Variants in TSPAN7 observed in about 807,000 individuals in gnomAD.
TSPAN7 encodes tetraspanin-7.
TSPAN7 carries 1 observed loss-of-function variant against 17.6 expected under a neutral mutation model. That is an observed-to-expected ratio of 0.06 (90% CI 0.02 to 0.27). TSPAN7 has a LOEUF of 0.27. Among genes scored for constraint, TSPAN7 ranks in the 10% least tolerant of loss-of-function variants. TSPAN7 has a pLI of 1.00. For missense variants in TSPAN7, 112 were observed against 201.7 expected, an observed-to-expected ratio of 0.56 and a Z score of 2.69; for synonymous variants, 78 against 79.0, an observed-to-expected ratio of 0.99 and a Z score of 0.07.
intron 6 of TSPAN7, among the ~76,000 whole-genome samples, chrX:38,685,619 C>T (rs984495958): frequency 9.0e-6 from 1 of 111,625 alleles, no homozygotes; most frequent in East Asian, 2.8e-4. Context: ...GTCATCACTC[C>T]GTATCTGCAG....
intron 1 of TSPAN7, among the ~76,000 whole-genome samples, chrX:38,659,001 T>TACACACACAC (rs71903430): frequency 6.2e-5 from 6 of 96,160 alleles, no homozygotes; most frequent in African/African-American, 2.4e-4. Context: ...TTATCTTCCA[T>TACACACACAC]ACACACACAC....
At chrX:38,562,457 T>C (rs1249875451) in intron 1 of TSPAN7, among the ~76,000 whole-genome samples, 1 of 109,032 alleles carries the variant, frequency 9.2e-6, no homozygotes, top group African/African-American at 3.3e-5. Flanking sequence ...CCGCCGGTCC[T>C]TGAAGCTCAA....
intron 1 of TSPAN7, among the ~76,000 whole-genome samples, chrX:38,601,927 A>C (rs1375253784): frequency 9.0e-6 from 1 of 111,421 alleles, no homozygotes; most frequent in East Asian, 2.8e-4. Context: ...ATGAGTTCTC[A>C]GGAATAATGA....
chrX:38,609,043 G>A lies in TSPAN7; in HGVS notation c.81+47416G>A, dbSNP rs192111198. On this transcript the variant is annotated intron_variant, in intron 1 of 7. Coordinates refer to ENST00000378482, the MANE Select transcript of TSPAN7 (RefSeq NM_004615.4). ...TCCATTACTTCCTAAGGATAAATCC[G>A]TGTTAGAGGATAAACACTGTAAATG... is the stretch of plus-strand genomic sequence containing the variant. Among the ~76,000 whole-genome samples, 255 of 101,366 alleles carry A rather than the reference G, an allele frequency of 2.5e-3. 2 individuals are homozygous for A. The highest frequency in any genetic ancestry group is 0.01 in the African/African-American group (222 of 21,591). 88.0% of individuals were successfully genotyped at this position (101,366 alleles called of 115,157 possible). A position where few individuals can be genotyped will look rare whatever the true frequency, so the allele number is the denominator to read the frequency against.
chrX:38,615,458 A>G (rs1020824245), intron 1 of TSPAN7, among the ~76,000 whole-genome samples: 4 of 111,509 alleles, frequency 3.6e-5, no homozygotes, highest in Non-Finnish European at 7.5e-5. Context: ...TTTAGAGAGA[A>G]CCCTTTTCAT....
intron 1 of TSPAN7, among the ~76,000 whole-genome samples, chrX:38,568,909 A>C (rs959967204): frequency 9.1e-6 from 1 of 110,484 alleles, no homozygotes; most frequent in East Asian, 2.8e-4. Context: ...TAATTTCTAG[A>C]AGCTTCTTTT....
intron 1 of TSPAN7, among the ~76,000 whole-genome samples, chrX:38,602,283 T>C (rs760846710): frequency 6.3e-5 from 7 of 111,578 alleles, no homozygotes; most frequent in Admixed American, 5.7e-4. Flanking sequence ...GATAAGTGTT[T>C]TAAGTATAAT....
At chrX:38,587,940 A>G (rs1179933077) in intron 1 of TSPAN7, among the ~76,000 whole-genome samples, 17 of 111,989 alleles carry the variant, frequency 1.5e-4, no homozygotes, top group Non-Finnish European at 3.8e-5. Flanking sequence ...GTTGAATTTA[A>G]CCTTGGTAAG....
intron 1 of TSPAN7, among the ~76,000 whole-genome samples, chrX:38,604,677 C>T (rs1359441996): frequency 1.4e-4 from 15 of 110,932 alleles, no homozygotes; most frequent in Non-Finnish European, 2.5e-4. Context: ...ACTGGCAAAC[C>T]GAATCCAGCA....
intron 3 of TSPAN7, among the ~76,000 whole-genome samples, chrX:38,673,340 T>C (rs937355606): frequency 2.8e-5 from 3 of 108,512 alleles, no homozygotes; most frequent in African/African-American, 1.0e-4. Flanking sequence ...AAGTCAAATG[T>C]GGTAACAGAA....
chrX:38,659,029 CACA>C (rs1569313264), intron 1 of TSPAN7, among the ~76,000 whole-genome samples: 10 of 92,663 alleles, frequency 1.1e-4, no homozygotes, highest in African/African-American at 4.0e-4. Context: ...CACACACACA[CACA>C]CACACACCCA....
At chrX:38,612,990 T>C (rs762417634) in intron 1 of TSPAN7, among the ~76,000 whole-genome samples, 8 of 112,160 alleles carry the variant, frequency 7.1e-5, no homozygotes, top group Non-Finnish European at 1.1e-4. Context: ...CATTTCATTC[T>C]GACACCTCAA....
At chrX:38,645,713 A>C (rs1300604439) in intron 1 of TSPAN7, among the ~76,000 whole-genome samples, 1 of 112,223 alleles carries the variant, frequency 8.9e-6, no homozygotes, top group Non-Finnish European at 1.9e-5. Flanking sequence ...ACTGTCTAGA[A>C]GCTTAACAGA....
chrX:38,588,975 G>A lies in TSPAN7; in HGVS notation c.81+27348G>A, dbSNP rs779412630. Among the ~76,000 whole-genome samples, 23 of 111,834 alleles carry A rather than the reference G, an allele frequency of 2.1e-4. No individual in the cohort carries two copies. The South Asian group carries it at 7.5e-3, about 36-fold the overall frequency. On this transcript the variant is annotated intron_variant, in intron 1 of 7. Transcript: ENST00000378482. The stretch of plus-strand genomic sequence containing the variant: ...ATTTGTCTCTACTCTTCTTCACTGC[G>A]TACTCTTCTACTGTTTACTTTCAGC...
chrX:38,619,224 C>T (rs939112504), intron 1 of TSPAN7, among the ~76,000 whole-genome samples: 2 of 110,859 alleles, frequency 1.8e-5, no homozygotes, highest in African/African-American at 6.6e-5. Context: ...CTGTTTGGGC[C>T]CCACTCACAC....
At chrX:38,591,697 T>A (rs1396127897) in intron 1 of TSPAN7, among the ~76,000 whole-genome samples, 3 of 112,200 alleles carry the variant, frequency 2.7e-5, no homozygotes, top group Non-Finnish European at 3.8e-5. Context: ...TGAAGCATAA[T>A]GTTTAAATGT....
At chrX:38,588,867 A>T (rs2069273840) in intron 1 of TSPAN7, among the ~76,000 whole-genome samples, 1 of 111,619 alleles carries the variant, frequency 9.0e-6, no homozygotes, top group Admixed American at 9.6e-5. Context: ...CTATTTTTTG[A>T]AAGAAATGAC....
chrX:38,577,574 A>G (rs1385177804), intron 1 of TSPAN7, among the ~76,000 whole-genome samples: 1 of 104,472 alleles, frequency 9.6e-6, no homozygotes, highest in Admixed American at 1.0e-4. Context: ...ACAAAAAACC[A>G]AACACCGCAT....
intron 1 of TSPAN7, among the ~76,000 whole-genome samples, chrX:38,663,152 TACAC>T (rs56867751): frequency 0.38 from 38,517 of 100,533 alleles, 5,981 homozygotes; most frequent in Middle Eastern, 0.53. Context: ...ATGTGGTGTA[TACAC>T]ACACACACAC....
Sources: gnomAD v4.1 joint callset for allele counts (sites outside exome capture counted in the v4.1 genomes callset) on GRCh38, gnomAD v4.1.1 for gene constraint, MANE v1.5 for transcripts, NCBI Gene and HGNC (gene_info 2026-07-23, HGNC 2026-07-21) for gene names.